The following DLGAP1 variants were observed in gnomAD, a reference collection of about 807,000 sequenced individuals.
The protein encoded by DLGAP1 is DLG associated protein 1, also known as disks large-associated protein 1.
DLGAP1 carries 11 observed loss-of-function variants against 90.8 expected under a neutral mutation model. That is an observed-to-expected ratio of 0.12 (90% confidence interval 0.08 to 0.20). The LOEUF (loss-of-function observed/expected upper bound fraction) is 0.20. Among genes scored for constraint, DLGAP1 ranks in the 10% least tolerant of loss-of-function variants. DLGAP1 has a pLI of 1.00. For synonymous variants in DLGAP1, 558 were observed against 540.7 expected (o/e 1.03, Z -0.44); for missense variants, 1,050 against 1,333.8 (o/e 0.79, Z 3.31).
chr18:3,695,812 A>G (rs957174943), intron 7 of DLGAP1, among the ~76,000 whole-genome samples: 2 of 152,096 alleles, frequency 1.3e-5, no homozygotes, highest in Non-Finnish European at 2.9e-5. Flanking sequence ...CATTTTCATG[A>G]TATTGATTCT....
intron 3 of DLGAP1, among the ~76,000 whole-genome samples, chr18:3,962,178 C>A (rs574016904): frequency 6.6e-6 from 1 of 152,308 alleles, no homozygotes; most frequent in Non-Finnish European, 1.5e-5. Context: ...TTTGCTACCA[C>A]TTTTAATATC....
chr18:4,306,454 TGTGTGTGTGAGAGA>T (rs1482571061), intron 1 of DLGAP1, among the ~76,000 whole-genome samples: 1 of 110,878 alleles, frequency 9.0e-6, no homozygotes, highest in Admixed American at 8.9e-5. Flanking sequence ...TGTGTGTGTG[TGTGTGTGTGAGAGA>T]GAGAGAGACA....
At chr18:4,080,669 T>C (rs1454864738) in intron 2 of DLGAP1, among the ~76,000 whole-genome samples, 8 of 152,188 alleles carry the variant, frequency 5.3e-5, no homozygotes, top group Non-Finnish European at 1.2e-4. Flanking sequence ...AAGTTTCATC[T>C]ATAGAACAAG....
At chr18:4,379,011 C>T (rs1263260144) in intron 1 of DLGAP1, among the ~76,000 whole-genome samples, 2 of 152,080 alleles carry the variant, frequency 1.3e-5, no homozygotes, top group African/African-American at 4.8e-5. Flanking sequence ...GTTGATAGGA[C>T]CAAGGGTTGA....
At chr18:4,039,631 A>C (rs1187953870) in intron 2 of DLGAP1, among the ~76,000 whole-genome samples, 3 of 152,204 alleles carry the variant, frequency 2.0e-5, no homozygotes, top group Non-Finnish European at 4.4e-5. Context: ...GGTATGTTTC[A>C]TTACTGTATT....
chr18:4,288,110 T>A (rs1254317212), intron 1 of DLGAP1, among the ~76,000 whole-genome samples: 1 of 152,094 alleles, frequency 6.6e-6, no homozygotes, highest in Non-Finnish European at 1.5e-5. Context: ...ATGTGCACAT[T>A]GTGCAGGTTA....
intron 5 of DLGAP1, among the ~76,000 whole-genome samples, chr18:3,762,500 G>C (rs1209718290): frequency 6.6e-6 from 1 of 151,380 alleles, no homozygotes; most frequent in Admixed American, 6.6e-5. Context: ...AGCAGTTAAA[G>C]CTAGTGTAAA....
At chr18:3,873,068 T>A (rs1407414653) in intron 4 of DLGAP1, among the ~76,000 whole-genome samples, 1 of 152,214 alleles carries the variant, frequency 6.6e-6, no homozygotes, top group African/African-American at 2.4e-5. Flanking sequence ...CTTTAATAAC[T>A]TCCAAGAAGG....
chr18:3,757,868 C>A (rs1361144503), intron 5 of DLGAP1, among the ~76,000 whole-genome samples: 1 of 152,114 alleles, frequency 6.6e-6, no homozygotes, highest in Non-Finnish European at 1.5e-5. Context: ...GTAATCCCAG[C>A]ACTTTGGGAG....
intron 1 of DLGAP1, among the ~76,000 whole-genome samples, chr18:4,168,057 T>G (rs2076959531): frequency 6.6e-6 from 1 of 152,164 alleles, no homozygotes; most frequent in South Asian, 2.1e-4. Context: ...CAAAATCTTG[T>G]CAAGGTCCTA....
intron 4 of DLGAP1, among the ~76,000 whole-genome samples, chr18:3,856,373 T>C (rs1219891736): frequency 6.6e-6 from 1 of 152,086 alleles, no homozygotes; most frequent in African/African-American, 2.4e-5. Flanking sequence ...AAAATAAGGT[T>C]GAATGCAAGA....
At chr18:4,209,648 T>A (rs966983636) in intron 1 of DLGAP1, among the ~76,000 whole-genome samples, 2 of 152,206 alleles carry the variant, frequency 1.3e-5, no homozygotes, top group African/African-American at 4.8e-5. Context: ...AGAACATGTA[T>A]AAACAAATAT....
At chr18:3,768,666 A>C (rs965435079) in intron 5 of DLGAP1, among the ~76,000 whole-genome samples, 9 of 152,202 alleles carry the variant, frequency 5.9e-5, no homozygotes, top group Admixed American at 2.6e-4. Flanking sequence ...TACTGACAAA[A>C]GTGCAAAAGC....
intron 5 of DLGAP1, among the ~76,000 whole-genome samples, chr18:3,743,192 A>C (rs2063129929): frequency 6.6e-6 from 1 of 152,112 alleles, no homozygotes; most frequent in African/African-American, 2.4e-5. Flanking sequence ...AGCTATACAG[A>C]TGTGCACAAA....
At chr18:3,544,417 C>G (rs1242960860) in intron 9 of DLGAP1, among the ~76,000 whole-genome samples, 1 of 152,086 alleles carries the variant, frequency 6.6e-6, no homozygotes, top group Non-Finnish European at 1.5e-5. Context: ...TAAAAAGAAG[C>G]TGAAAGTATT....
intron 3 of DLGAP1, among the ~76,000 whole-genome samples, chr18:3,890,018 CTG>C (rs2071418783): frequency 6.6e-6 from 1 of 152,156 alleles, no homozygotes; most frequent in Non-Finnish European, 1.5e-5. Flanking sequence ...GGGTGAGACT[CTG>C]TGGTCATCTG....
At chr18:4,363,876 T>C (rs1257391897) in intron 1 of DLGAP1, among the ~76,000 whole-genome samples, 2 of 152,104 alleles carry the variant, frequency 1.3e-5, no homozygotes, top group Non-Finnish European at 2.9e-5. Context: ...GAACTAGAAA[T>C]ACCATTTGAA....
At chr18:4,256,476 C>A (rs929644894) in intron 1 of DLGAP1, among the ~76,000 whole-genome samples, 30 of 152,112 alleles carry the variant, frequency 2.0e-4, no homozygotes, top group Non-Finnish European at 4.1e-4. Flanking sequence ...AACAGAATTT[C>A]TTTTACTCCA....
intron 7 of DLGAP1, among the ~76,000 whole-genome samples, chr18:3,677,416 G>A (rs190340895): frequency 4.5e-4 from 69 of 152,268 alleles, no homozygotes; most frequent in Non-Finnish European, 7.2e-4. Flanking sequence ...ATTCCAACAA[G>A]AGAATTCTCT....
Sources: gnomAD v4.1 joint callset for allele counts (sites outside exome capture counted in the v4.1 genomes callset) on GRCh38, gnomAD v4.1.1 for gene constraint, MANE v1.5 for transcripts, NCBI Gene and HGNC (gene_info 2026-07-23, HGNC 2026-07-21) for gene names.